UGDH: variants seen among roughly 807,000 people sequenced by gnomAD.
UGDH encodes UDP-glucose 6-dehydrogenase.
A neutral mutation model predicts 50.6 loss-of-function variants in UGDH; 38 were observed. The ratio of observed to expected loss-of-function variants is 0.75; its 90% CI spans 0.58 to 0.98. The LOEUF is 0.98. Among genes scored for constraint, UGDH ranks in the 50% least tolerant of loss-of-function variants. The pLI, the probability that UGDH is intolerant of heterozygous loss-of-function variation, is 0.00. For synonymous variants in UGDH, 168 were observed against 199.9 expected (o/e 0.84, Z 1.35); for missense variants, 465 against 606.2 (o/e 0.77, Z 2.45).
intron 3 of UGDH, among the ~76,000 whole-genome samples, chr4:39,511,868 C>T (rs977953495): frequency 2.0e-5 from 3 of 151,640 alleles, no homozygotes; most frequent in South Asian, 2.1e-4. Context: ...CCACCACACC[C>T]GCCTAATTTT....
At chr4:39,521,211 T>C in intron 2 of UGDH, 140 bp downstream of exon 2, 2 of 801,556 alleles carry the variant, frequency 2.5e-6, no homozygotes. Context: ...TTAATGTCCA[T>C]GTGTTTTGTA....
chr4:39,523,043 G>A (rs1246975398), intron 1 of UGDH, among the ~76,000 whole-genome samples: 2 of 152,062 alleles, frequency 1.3e-5, no homozygotes, highest in African/African-American at 2.4e-5. Flanking sequence ...TTACAGGCAT[G>A]AGCCACCACG....
At chr4:39,505,201 T>C in intron 9 of UGDH, 36 bp downstream of exon 9, 1 of 1,563,298 alleles carries the variant, frequency 6.4e-7, no homozygotes, top group Non-Finnish European at 8.6e-7. Flanking sequence ...TTTTCAGGTC[T>C]GGACTCAAAA....
At chr4:39,520,891 T>C (rs1400015193) in intron 2 of UGDH, among the ~76,000 whole-genome samples, 5 of 151,536 alleles carry the variant, frequency 3.3e-5, no homozygotes, top group East Asian at 1.9e-4. Flanking sequence ...CTGGCCAACA[T>C]GGTGAAACCC....
intron 7 of UGDH, among the ~76,000 whole-genome samples, chr4:39,507,022 G>T (rs144870611): frequency 2.8e-4 from 43 of 152,248 alleles, no homozygotes; most frequent in African/African-American, 9.4e-4. Flanking sequence ...AAAAAGAAAC[G>T]TGCATTTCTT....
Position 39,502,803 on chromosome 4 carries a change from A to G in UGDH, c.1374+1072T>C, listed in dbSNP as rs1488011689. 1.6e-3 allele frequency among the ~76,000 whole-genome samples: 241 copies of G among 151,006 alleles called. 1 individual carries two copies. The highest frequency in any genetic ancestry group is 5.7e-3 in the African/African-American group (234 of 40,976). Reference sequence around the variant, plus strand: ...GCTCTGTCACCCAGGCTGGCATGCAATGGCATGATCTCAGCTCATTACAAC... The same window carrying G: ...GCTCTGTCACCCAGGCTGGCATGCAGTGGCATGATCTCAGCTCATTACAAC... On this transcript the variant is annotated intron_variant, in intron 11 of 11. Coordinates refer to ENST00000316423, the MANE Select transcript of UGDH (RefSeq NM_003359.4).
At chr4:39,503,161 C>T (rs929552386) in intron 11 of UGDH, among the ~76,000 whole-genome samples, 1 of 152,138 alleles carries the variant, frequency 6.6e-6, no homozygotes, top group African/African-American at 2.4e-5. Context: ...GTGATCCGCC[C>T]GCCTCAGCCT....
intron 7 of UGDH, among the ~76,000 whole-genome samples, chr4:39,507,623 T>G (rs573401436): frequency 1.4e-4 from 21 of 152,242 alleles, no homozygotes; most frequent in African/African-American, 5.1e-4. Context: ...ATATAGGTTC[T>G]TATTTTATTT....
intron 11 of UGDH, among the ~76,000 whole-genome samples, chr4:39,502,047 T>A (rs1745838456): frequency 6.6e-6 from 1 of 152,242 alleles, no homozygotes; most frequent in African/African-American, 2.4e-5. Flanking sequence ...CATTCCTGTT[T>A]TTTTTTAATT....
intron 3 of UGDH, 114 bp downstream of exon 3, chr4:39,513,968 CT>C (rs1343786235): frequency 1.2e-6 from 1 of 857,418 alleles, no homozygotes. Flanking sequence ...CACCGGACAA[CT>C]CTATACTAAG....
intron 7 of UGDH, among the ~76,000 whole-genome samples, chr4:39,507,942 CAAAAAAAAAAA>C (rs34122254): frequency 1.2e-4 from 9 of 76,576 alleles, no homozygotes; most frequent in Non-Finnish European, 2.9e-4. Flanking sequence ...GATCTTGTCT[CAAAAAAAAAAA>C]AAAAAAAAAG....
chr4:39,517,790 T>C (rs1190838411), intron 2 of UGDH, among the ~76,000 whole-genome samples: 1 of 152,248 alleles, frequency 6.6e-6, no homozygotes. Context: ...ATACGGTATG[T>C]ACTCCTTTGT....
At chr4:39,505,127 A>G in intron 9 of UGDH, 110 bp downstream of exon 9, 1 of 1,064,368 alleles carries the variant, frequency 9.4e-7, no homozygotes, top group Non-Finnish European at 1.3e-6. Context: ...GAGGTTGAAA[A>G]GAGGGCCTAC....
intron 3 of UGDH, among the ~76,000 whole-genome samples, chr4:39,513,051 G>T (rs958841431): frequency 6.6e-6 from 1 of 151,996 alleles, no homozygotes; most frequent in African/African-American, 2.4e-5. Flanking sequence ...CAAGCGATCC[G>T]CCTGCCTTGG....
chr4:39,526,710 C>T (rs572479792), intron 1 of UGDH, among the ~76,000 whole-genome samples: 3 of 152,202 alleles, frequency 2.0e-5, no homozygotes, highest in African/African-American at 7.2e-5. Context: ...AAAGGCCTTC[C>T]CCGACATCAA....
At chr4:39,516,010 T>C (rs551207057) in intron 2 of UGDH, among the ~76,000 whole-genome samples, 2 of 152,226 alleles carry the variant, frequency 1.3e-5, no homozygotes, top group Non-Finnish European at 2.9e-5. Context: ...TAGACTGTGA[T>C]AATTTCTAGC....
Position 39,521,351 on chromosome 4 carries a change from C to A in UGDH, c.162G>T (p.Glu54Asp). Residue 54 changes from glutamate to aspartate, a missense_variant and splice_region_variant, in exon 2 of 12, where the codon GAG (glutamate) becomes GAT (aspartate). Glu to Asp is a conservative substitution (Grantham distance 45). Coordinates refer to ENST00000316423, the MANE Select transcript of UGDH (RefSeq NM_003359.4). ...ACAAAGAGATGTTTAATATGTTTAC[C>A]TCATAAATAGGAAGTGTAGGAGAAT... ...AWNSPTLPIY[E>D]PGLKEVVESC... is the part of the protein sequence containing the mutation. 6.3e-7 allele frequency: 1 copy of A among 1,599,424 alleles called. No homozygotes were observed. The highest frequency in any genetic ancestry group is 1.1e-5 in the South Asian group (1 of 87,684).
At chr4:39,504,136 G>A (rs752621364) in intron 10 of UGDH, 151 bp from the exon 11 acceptor site, 32 of 670,000 alleles carry the variant, frequency 4.8e-5, no homozygotes, top group East Asian at 1.4e-4. Context: ...GTGAAACCCC[G>A]TCTCTACTAA....
At chr4:39,511,625 C>A (rs553862618) in intron 3 of UGDH, among the ~76,000 whole-genome samples, 1 of 151,742 alleles carries the variant, frequency 6.6e-6, no homozygotes, top group East Asian at 1.9e-4. Context: ...ATTGCAATAT[C>A]ATTTACAAAT....
Sources: allele counts gnomAD v4.1 joint callset (sites outside exome capture counted in the v4.1 genomes callset), GRCh38; gene constraint gnomAD v4.1.1; transcripts MANE v1.5; gene names NCBI Gene and HGNC (gene_info 2026-07-23, HGNC 2026-07-21).